EYA4: variants seen among roughly 807,000 people sequenced by gnomAD.
EYA4 encodes the protein EYA transcriptional coactivator and phosphatase 4.
EYA4 carries 31 observed loss-of-function variants against 87.9 expected under a neutral mutation model. The observed-to-expected ratio is 0.35, with a 90% CI of 0.27 to 0.48. The LOEUF (loss-of-function observed/expected upper bound fraction) is 0.48, where lower values mean the gene tolerates loss of function less well. Ranked by LOEUF, EYA4 falls within the 20% of genes least tolerant of loss-of-function variation. The probability of loss-of-function intolerance (pLI) is 0.99; values close to 1 mark genes in which losing one functional copy is unlikely to be tolerated. For missense variants in EYA4, 678 were observed against 761.4 expected (o/e 0.89, Z 1.29); for synonymous variants, 263 against 270.6 (o/e 0.97, Z 0.28).
chr6:133,259,155 G>A (rs1775588686), intron 1 of EYA4, among the ~76,000 whole-genome samples: 2 of 152,116 alleles, frequency 1.3e-5, no homozygotes, highest in Admixed American at 6.6e-5. Flanking sequence ...TTTTGTGGCT[G>A]ACTGAATTCC....
At chr6:133,456,472 G>A in intron 5 of EYA4, 84 bp from the exon 6 acceptor site, 3 of 958,502 alleles carry the variant, frequency 3.1e-6, no homozygotes, top group South Asian at 2.6e-5. Flanking sequence ...GCCCATGGTA[G>A]CTAGAAATAT....
At chr6:133,244,762 G>A (rs1233630497) in intron 1 of EYA4, among the ~76,000 whole-genome samples, 1 of 151,916 alleles carries the variant, frequency 6.6e-6, no homozygotes, top group Non-Finnish European at 1.5e-5. Context: ...AGTCTCTGTT[G>A]CAAGCTCTAA....
At chr6:133,330,851 G>A (rs1037579809) in intron 2 of EYA4, among the ~76,000 whole-genome samples, 5 of 151,714 alleles carry the variant, frequency 3.3e-5, no homozygotes, top group Non-Finnish European at 4.4e-5. Context: ...GGCGAGAACA[G>A]TATGTTTACA....
intron 3 of EYA4, among the ~76,000 whole-genome samples, chr6:133,412,634 C>T (rs536466912): frequency 6.6e-6 from 1 of 152,106 alleles, no homozygotes; most frequent in Admixed American, 6.6e-5. Context: ...GTTTTGTGGC[C>T]CTAATGTTGA....
At chr6:133,515,214 T>C (rs1799487124) in intron 16 of EYA4, 107 bp from the exon 17 acceptor site, 1 of 746,064 alleles carries the variant, frequency 1.3e-6, no homozygotes, top group Admixed American at 1.8e-5. Context: ...GCATTTCTGA[T>C]ATATACTGAA....
intron 17 of EYA4, among the ~76,000 whole-genome samples, chr6:133,520,896 C>A (rs1187299891): frequency 5.4e-5 from 8 of 149,496 alleles, no homozygotes; most frequent in Admixed American, 1.3e-4. Context: ...GGTGCTGGGA[C>A]AACTGGCTAG....
chr6:133,513,175 T>C lies in EYA4; in HGVS notation c.1501+137T>C, dbSNP rs997996372. On this transcript the variant is annotated intron_variant, in intron 16 of 19. Coordinates refer to ENST00000355286, the MANE Select transcript of EYA4 (RefSeq NM_004100.5). ...ATTAAACCACATTGAGCCAGAAGTT[T>C]CTTAGAATTGGTGGGAAAAAATTTA... The C allele has an allele frequency of 3.4e-6, 3 of 875,554 alleles. No homozygotes were observed. The African/African-American group carries it at 5.1e-5, about 15-fold the overall frequency. 54.2% of individuals were successfully genotyped at this position (875,554 alleles called of 1,614,324 possible). A position where few individuals can be genotyped will look rare whatever the true frequency, so the allele number is the denominator to read the frequency against.
At chr6:133,248,699 TGC>T (rs1774627996) in intron 1 of EYA4, 2 of 152,218 alleles carry the variant, frequency 1.3e-5, no homozygotes, top group South Asian at 4.1e-4. Flanking sequence ...TATATTCATG[TGC>T]GGTTATGACT....
intron 3 of EYA4, among the ~76,000 whole-genome samples, chr6:133,446,197 A>G (rs903584717): frequency 1.3e-5 from 2 of 152,104 alleles, no homozygotes; most frequent in Non-Finnish European, 2.9e-5. Flanking sequence ...TAAGGTGATC[A>G]GTTTAGGAGG....
At chr6:133,314,220 A>G (rs1420018829) in intron 2 of EYA4, among the ~76,000 whole-genome samples, 1 of 152,166 alleles carries the variant, frequency 6.6e-6, no homozygotes, top group Non-Finnish European at 1.5e-5. Context: ...AGATGAGAAA[A>G]ATATAAGTAG....
intron 2 of EYA4, among the ~76,000 whole-genome samples, chr6:133,300,593 C>A (rs1305853583): frequency 2.0e-5 from 3 of 152,094 alleles, no homozygotes; most frequent in African/African-American, 4.8e-5. Flanking sequence ...CAGCTCACTG[C>A]AACCTCTGCC....
intron 13 of EYA4, among the ~76,000 whole-genome samples, chr6:133,490,680 C>G (rs908715861): frequency 1.3e-5 from 2 of 152,008 alleles, no homozygotes. Context: ...TATATGCACT[C>G]AATACTGGAG....
In EYA4 at chr6:133,372,573, CA is replaced by C. The variant is rs1246653084; in HGVS notation, c.34-9818del. Reference sequence around the variant, plus strand: ...GATTCAATCCAGCATGCTATAAATACATTTTTTTTTATTGTATAAAGCTTAA... The same window carrying C: ...GATTCAATCCAGCATGCTATAAATACTTTTTTTTTATTGTATAAAGCTTAA... On this transcript the variant is annotated intron_variant, in intron 2 of 19. Coordinates refer to ENST00000355286, the MANE Select transcript of EYA4 (RefSeq NM_004100.5). 1.1e-3 allele frequency among the ~76,000 whole-genome samples: 170 copies of C among 150,786 alleles called. 2 individuals carry two copies. Among genetic ancestry groups the C allele is most frequent in the African/African-American group, 4.0e-3 (162 of 40,586 alleles).
Position 133,462,099 on chromosome 6 carries a change from T to C in EYA4, c.438-236T>C, listed in dbSNP as rs188392916. 7.2e-5 allele frequency: 39 copies of C among 538,230 alleles called. No homozygotes were observed. The East Asian group carries it at 1.2e-3, about 16-fold the overall frequency. 33.3% of individuals were successfully genotyped at this position (538,230 alleles called of 1,614,324 possible). On this transcript the variant is annotated intron_variant, in intron 7 of 19. Coordinates refer to ENST00000355286, the MANE Select transcript of EYA4 (RefSeq NM_004100.5). ...AAAATCTAAATCAAATTTCTACTTT[T>C]ACAGGTGTGGTATAGACATAGGGAG...
chr6:133,256,569 T>C (rs1381247118), intron 1 of EYA4, among the ~76,000 whole-genome samples: 4 of 152,126 alleles, frequency 2.6e-5, no homozygotes, highest in Non-Finnish European at 4.4e-5. Flanking sequence ...TACTCCATTA[T>C]AAATGTGTTG....
At chr6:133,482,959 C>T in intron 12 of EYA4, 73 bp from the exon 13 acceptor site, 2 of 1,144,794 alleles carry the variant, frequency 1.7e-6, no homozygotes, top group South Asian at 1.3e-5. Context: ...GGAAGGGAGA[C>T]ATTTTCTGCT....
At chr6:133,502,796 C>T (rs1186221649) in intron 13 of EYA4, 2 of 151,732 alleles carry the variant, frequency 1.3e-5, no homozygotes, top group African/African-American at 4.8e-5. Flanking sequence ...GATGGCATGA[C>T]TAGCCCTGGC....
chr6:133,486,633 G>C (rs1796709561), intron 13 of EYA4, among the ~76,000 whole-genome samples: 1 of 152,174 alleles, frequency 6.6e-6, no homozygotes, highest in African/African-American at 2.4e-5. Flanking sequence ...GAGTGACTGG[G>C]GTATGTGACT....
intron 3 of EYA4, among the ~76,000 whole-genome samples, chr6:133,389,685 C>G (rs936765358): frequency 6.6e-6 from 1 of 152,148 alleles, no homozygotes; most frequent in Non-Finnish European, 1.5e-5. Context: ...CAGGGTCTTT[C>G]CTTTCTAGTG....
Sources: allele counts gnomAD v4.1 joint callset (sites outside exome capture counted in the v4.1 genomes callset), GRCh38; gene constraint gnomAD v4.1.1; transcripts MANE v1.5; gene names NCBI Gene and HGNC (gene_info 2026-07-23, HGNC 2026-07-21).